CREB3L3: variants seen among roughly 807,000 people sequenced by gnomAD.
The protein encoded by CREB3L3 is cAMP responsive element binding protein 3 like 3.
A neutral mutation model predicts 44.6 loss-of-function variants in CREB3L3; 40 were observed. That is an observed-to-expected ratio of 0.90 (90% confidence interval 0.70 to 1.17). The LOEUF is 1.17. Ranked by LOEUF, CREB3L3 falls within the 50% of genes most tolerant of loss-of-function variation. The pLI is 0.00. For synonymous variants in CREB3L3, 273 were observed against 256.3 expected, an observed-to-expected ratio of 1.06 and a Z score of -0.62; for missense variants, 578 against 595.8, an observed-to-expected ratio of 0.97 and a Z score of 0.31.
At chr19:4,169,776 T>G (rs1967002714) in intron 6 of CREB3L3, among the ~76,000 whole-genome samples, 1 of 151,826 alleles carries the variant, frequency 6.6e-6, no homozygotes, top group South Asian at 2.1e-4. Flanking sequence ...ATTTTGCATT[T>G]TTAGTACAGG....
chr19:4,171,162 G>T lies in CREB3L3; in HGVS notation c.962G>T (p.Gly321Val). The change falls in exon 8 of 10, where the codon GGC becomes GTC. Residue 321 changes from glycine to valine, a missense_variant. By Grantham distance (109) the Gly-to-Val change is moderately radical. Coordinates refer to ENST00000078445, the MANE Select transcript of CREB3L3 (RefSeq NM_032607.3). This position sits in a 1 kb window ranked among gnomAD's most constrained non-coding sequence, Gnocchi z 4.9. ...VQSTSKSAQT[G>V]TCVAVLLLSF... ...TCCACCAGCAAGTCAGCCCAGACAG[G>T]CACCTGTGTCGCAGTGAGTCCTGGT... 1 of 1,614,074 alleles carries T rather than the reference G, an allele frequency of 6.2e-7. No homozygotes were observed. The highest frequency in any genetic ancestry group is 8.5e-7 in the Non-Finnish European group (1 of 1,179,978).
At chr19:4,159,100 T>A (rs574210942) in intron 3 of CREB3L3, among the ~76,000 whole-genome samples, 2 of 151,946 alleles carry the variant, frequency 1.3e-5, no homozygotes, top group South Asian at 4.1e-4. Flanking sequence ...TCCTGTGTCT[T>A]CCTCAGCCTT....
In CREB3L3 at chr19:4,171,449, G is replaced by A. The variant is rs768348069; in HGVS notation, c.1042G>A (p.Glu348Lys). The change falls in exon 9 of 10, where the codon GAG (glutamate) becomes AAG (lysine). Residue 348 changes from glutamate to lysine, a missense_variant. Transcript: ENST00000078445. The surrounding 1 kb of genome is among the most constrained non-coding windows in gnomAD (Gnocchi z 4.9). ...CAGCCCTTTTGGCCCCAACAAAACC[G>A]AGAGCCCTGGGGACTTTGCGCCTGT... is the stretch of plus-strand genomic sequence containing the variant. ...SISPFGPNKT[E>K]SPGDFAPVRV... 46 of 1,613,944 alleles carry A rather than the reference G, an allele frequency of 2.9e-5. No individual in the cohort carries two copies. Among genetic ancestry groups the A allele is most frequent in the Middle Eastern group, 1.6e-4 (1 of 6,084 alleles).
intron 2 of CREB3L3, among the ~76,000 whole-genome samples, chr19:4,156,627 G>A (rs2041582519): frequency 1.3e-5 from 2 of 150,420 alleles, no homozygotes; most frequent in South Asian, 2.1e-4. Flanking sequence ...TCAGACTCCC[G>A]AGTAGCTGGG....
chr19:4,171,228 C>T lies in CREB3L3; in HGVS notation c.975+53C>T. The T allele has an allele frequency of 1.3e-6, 2 of 1,534,500 alleles. No homozygotes were observed. Among genetic ancestry groups the T allele is most frequent in the Admixed American group, 1.7e-5 (1 of 59,710 alleles). On this transcript the variant is annotated intron_variant, in intron 8 of 9. Transcript: ENST00000078445. The surrounding 1 kb of genome is among the most constrained non-coding windows in gnomAD (Gnocchi z 4.9). ...GGGGACCTAGGCTTCTGTAGAGGGG[C>T]CCATAGGGAGGTGACAATGAGTCCA...
intron 1 of CREB3L3, 37 bp from the exon 2 acceptor site, chr19:4,154,862 C>T (rs958488237): frequency 1.2e-6 from 2 of 1,613,252 alleles, no homozygotes; most frequent in South Asian, 2.2e-5. Context: ...AGGACAGGGG[C>T]TGTATGTGAC....
intron 4 of CREB3L3, among the ~76,000 whole-genome samples, chr19:4,162,910 G>A (rs182394687): frequency 3.4e-3 from 511 of 152,278 alleles, no homozygotes; most frequent in South Asian, 3.7e-3. Context: ...CCGGGAGGCG[G>A]AGGTTGCAGT....
chr19:4,171,824 C>T lies in CREB3L3; in HGVS notation c.1241C>T (p.Ser414Leu), dbSNP rs745524129. The T allele has an allele frequency of 1.7e-5, 27 of 1,613,536 alleles. No individual in the cohort carries two copies. The Middle Eastern group carries it at 6.6e-4, about 39-fold the overall frequency. Residue 414 changes from serine (S) to leucine (L), a missense_variant, in exon 10 of 10, where the codon TCG (serine) becomes TTG (leucine). Coordinates refer to ENST00000078445, the MANE Select transcript of CREB3L3 (RefSeq NM_032607.3). The surrounding 1 kb of genome is among the most constrained non-coding windows in gnomAD (Gnocchi z 4.9). The part of the protein sequence containing the change: ...GFQDTANLTN[S>L]TEELDNATLV... ...CAGGACACCGCGAACCTGACCAATT[C>T]GACGGAGGAGCTGGACAACGCCACC...
intron 2 of CREB3L3, among the ~76,000 whole-genome samples, chr19:4,156,714 C>T (rs940431787): frequency 2.0e-5 from 3 of 151,498 alleles, no homozygotes; most frequent in Non-Finnish European, 2.9e-5. Flanking sequence ...GTTGGCCAGG[C>T]GGATCTCGAA....
intron 2 of CREB3L3, among the ~76,000 whole-genome samples, chr19:4,155,612 T>C (rs1026182089): frequency 6.6e-6 from 1 of 151,928 alleles, no homozygotes; most frequent in African/African-American, 2.4e-5. Flanking sequence ...CACCTCAGCC[T>C]CCCAAAGTGC....
At chr19:4,164,756 T>C (rs1463859038) in intron 5 of CREB3L3, 116 bp downstream of exon 5, 5 of 1,206,872 alleles carry the variant, frequency 4.1e-6, no homozygotes, top group Non-Finnish European at 5.9e-6. Flanking sequence ...TCACTGAGGC[T>C]GGGATGCAGT....
In CREB3L3 at chr19:4,172,111, C is replaced by T. The variant is rs1469872113; in HGVS notation, c.*142C>T. 7 of 910,868 alleles carry T rather than the reference C, an allele frequency of 7.7e-6. No homozygotes were observed. In the African/African-American group the frequency reaches 1.0e-4, roughly 13 times the overall value. The allele number at this position is 910,868 out of a possible 1,614,324, so 56.4% of individuals were successfully genotyped here. On this transcript the variant is annotated 3_prime_UTR_variant, in exon 10 of 10. Coordinates refer to ENST00000078445, the MANE Select transcript of CREB3L3 (RefSeq NM_032607.3). ...AGAATGGGGGAGGCACAGCTCATAGCCACACACCCAGGGCCTGACTGAGGC... is the reference window on the plus strand; with the variant it reads ...AGAATGGGGGAGGCACAGCTCATAGTCACACACCCAGGGCCTGACTGAGGC...
intron 3 of CREB3L3, among the ~76,000 whole-genome samples, chr19:4,158,469 C>A (rs1053059903): frequency 2.0e-5 from 3 of 151,812 alleles, no homozygotes; most frequent in African/African-American, 7.3e-5. Flanking sequence ...TGCACTCCAT[C>A]CTGGCTGACA....
intron 7 of CREB3L3, 109 bp from the exon 8 acceptor site, chr19:4,170,982 A>G: frequency 1.3e-6 from 1 of 775,162 alleles, no homozygotes; most frequent in South Asian, 1.4e-5. Flanking sequence ...GAGGCCCTTG[A>G]AGAATGGATG....
rs377097957 is a variant in CREB3L3 at position 4,154,873 on chromosome 19, C to A, written c.28-26C>A. On this transcript the variant is annotated intron_variant, in intron 1 of 9. Coordinates refer to ENST00000078445, the MANE Select transcript of CREB3L3 (RefSeq NM_032607.3). ...GGGGAGGACAGGGGCTGTATGTGACCCTCACATCTGTTCCTCGCGCCCCAG... is the reference window on the plus strand; with the variant it reads ...GGGGAGGACAGGGGCTGTATGTGACACTCACATCTGTTCCTCGCGCCCCAG... 3.7e-6 allele frequency: 6 copies of A among 1,613,460 alleles called. No homozygotes were observed. In the African/African-American group the frequency reaches 6.7e-5, roughly 18 times the overall value.
intron 4 of CREB3L3, among the ~76,000 whole-genome samples, chr19:4,160,580 G>T (rs903318926): frequency 1.3e-5 from 2 of 151,416 alleles, no homozygotes; most frequent in Non-Finnish European, 2.9e-5. Flanking sequence ...TTCTGAGACA[G>T]AATCTTGCTC....
intron 4 of CREB3L3, among the ~76,000 whole-genome samples, chr19:4,161,217 C>T (rs1013183733): frequency 1.3e-5 from 2 of 152,146 alleles, no homozygotes; most frequent in Admixed American, 6.6e-5. Context: ...CCACCTCGGC[C>T]TCCCAAAGTG....
At chr19:4,162,621 C>T (rs1568281119) in intron 4 of CREB3L3, among the ~76,000 whole-genome samples, 1 of 151,544 alleles carries the variant, frequency 6.6e-6, no homozygotes, top group Non-Finnish European at 1.5e-5. Context: ...GAGGTCAAGG[C>T]TGCAGTTAGC....
chr19:4,160,404 CT>C (rs1369079882), intron 4 of CREB3L3, among the ~76,000 whole-genome samples: 1 of 151,934 alleles, frequency 6.6e-6, no homozygotes, highest in Admixed American at 6.6e-5. Flanking sequence ...CAGGATCTCA[CT>C]CTATCGCCCA....
Sources: gnomAD v4.1 joint callset for allele counts (sites outside exome capture counted in the v4.1 genomes callset) on GRCh38, gnomAD v4.1.1 for gene constraint, Gnocchi (gnomAD v3.1) non-coding constraint, MANE v1.5 for transcripts, NCBI Gene and HGNC (gene_info 2026-07-23, HGNC 2026-07-21) for gene names.